MPDZ: variants seen among roughly 807,000 people sequenced by gnomAD.
MPDZ encodes the protein multiple PDZ domain protein.
Under a neutral mutation model 239.1 loss-of-function variants are expected in MPDZ, and 234 were observed. That is an observed-to-expected ratio of 0.98 (90% confidence interval 0.88 to 1.09). MPDZ has a LOEUF of 1.09. Among genes scored for constraint, MPDZ ranks in the 50% least tolerant of loss-of-function variants. MPDZ has a pLI of 0.00. For missense variants in MPDZ, 3,175 were observed against 2,510.0 expected (o/e 1.26, Z -5.66); for synonymous variants, 1,048 against 881.3 (o/e 1.19, Z -3.35).
rs908891606 is a variant in MPDZ, at chr9:13,115,249, T to G, written c.5465A>C (p.Gln1822Pro). 1.9e-6 allele frequency: 3 copies of G among 1,612,022 alleles called. No homozygotes were observed. In the African/African-American group the frequency reaches 4.0e-5, roughly 21 times the overall value. ...CTGATGAACTCCACAGCTACCCACC[T>G]GGCTGCTTTGAGATGGCCTCCTCTC... ...HSERRPSQSS[Q>P]VSEGSLSSFT... Residue 1822 changes from glutamine (Q) to proline (P), a missense_variant and splice_region_variant, in exon 40 of 47, where the codon CAG (glutamine) becomes CCG (proline). By Grantham distance (76) the Gln-to-Pro change is moderately conservative (BLOSUM62 -1). Transcript: ENST00000319217.
Position 13,231,786 on chromosome 9 carries a change from G to C in MPDZ, c.184-7203C>G, listed in dbSNP as rs922810208. On this transcript the variant is annotated intron_variant, in intron 3 of 46. Coordinates refer to ENST00000319217, the MANE Select transcript of MPDZ (RefSeq NM_001378778.1). ...TAACCTCAATTGCCAACTCTAACAAGGATTATACTAGACAGAAAAGCTATA... is the reference window on the plus strand; with the variant it reads ...TAACCTCAATTGCCAACTCTAACAACGATTATACTAGACAGAAAAGCTATA... 2.6e-4 allele frequency among the ~76,000 whole-genome samples: 39 copies of C among 150,926 alleles called. 1 individual carries two copies. Among genetic ancestry groups the C allele is most frequent in the African/African-American group, 9.3e-4 (38 of 41,052 alleles).
chr9:13,106,847 C>T lies in MPDZ; in HGVS notation c.*118G>A, dbSNP rs995155585. 32 of 1,079,926 alleles carry T rather than the reference C, an allele frequency of 3.0e-5. No homozygotes were observed. In the African/African-American group the frequency reaches 3.1e-4, roughly 11 times the overall value. The allele number at this position is 1,079,926 out of a possible 1,614,324, so 66.9% of individuals were successfully genotyped here. On this transcript the variant is annotated 3_prime_UTR_variant, in exon 47 of 47. Transcript: ENST00000319217. The stretch of plus-strand genomic sequence containing the variant: ...AGAAAAAGAAACTTAAGTGTTATTT[C>T]CCCCCTACAGTTTTGAAGACCCGGC...
At chr9:13,171,375 C>A (rs1427322487) in intron 21 of MPDZ, among the ~76,000 whole-genome samples, 1 of 152,108 alleles carries the variant, frequency 6.6e-6, no homozygotes, top group African/African-American at 2.4e-5. Context: ...AACTCAAGTA[C>A]TGAATGTATT....
chr9:13,180,239 G>A (rs549333589), intron 19 of MPDZ, among the ~76,000 whole-genome samples: 1 of 152,250 alleles, frequency 6.6e-6, no homozygotes, highest in South Asian at 2.1e-4. Flanking sequence ...GTAATAATTT[G>A]TAAGAATGTT....
chr9:13,232,763 G>GT (rs1417288890), intron 3 of MPDZ, among the ~76,000 whole-genome samples: 1 of 149,782 alleles, frequency 6.7e-6, no homozygotes, highest in Admixed American at 6.7e-5. Flanking sequence ...GGAGAAAATG[G>GT]TTACAATACA....
intron 34 of MPDZ, among the ~76,000 whole-genome samples, chr9:13,125,774 T>C (rs576413009): frequency 6.6e-6 from 1 of 152,284 alleles, no homozygotes; most frequent in East Asian, 1.9e-4. Flanking sequence ...CAAACAGTTT[T>C]AATAAAATAG....
intron 39 of MPDZ, among the ~76,000 whole-genome samples, chr9:13,115,949 T>TC (rs1943366701): frequency 2.2e-5 from 1 of 46,072 alleles, no homozygotes; most frequent in South Asian, 7.1e-4. Context: ...AGACTCCACC[T>TC]CAAAAAAAAA....
intron 22 of MPDZ, among the ~76,000 whole-genome samples, chr9:13,166,723 T>G (rs1385857486): frequency 1.3e-5 from 2 of 152,080 alleles, no homozygotes; most frequent in African/African-American, 4.8e-5. Context: ...TTCATAGTCA[T>G]AATAAAGCTT....
rs760456120 is a variant in MPDZ at position 13,112,930 on chromosome 9, G to A, written c.5601+81C>T. 2.2e-5 allele frequency: 29 copies of A among 1,314,166 alleles called. 2 individuals carry two copies. The highest frequency in any genetic ancestry group is 1.1e-4 in the South Asian group (8 of 75,918). 81.4% of individuals were successfully genotyped at this position (1,314,166 alleles called of 1,614,324 possible). The stretch of plus-strand genomic sequence containing the variant: ...TTTTTGAGATGAATACTTTAAAACC[G>A]TAAGAAAGTTAACAAGAAAACACAT... On this transcript the variant is annotated intron_variant, in intron 42 of 46. Coordinates refer to ENST00000319217, the MANE Select transcript of MPDZ (RefSeq NM_001378778.1).
intron 1 of MPDZ, among the ~76,000 whole-genome samples, chr9:13,267,726 A>G (rs1410515338): frequency 6.6e-6 from 1 of 152,206 alleles, no homozygotes; most frequent in Non-Finnish European, 1.5e-5. Context: ...AAGAAGAAAT[A>G]ATTGAGGAAG....
intron 43 of MPDZ, among the ~76,000 whole-genome samples, chr9:13,111,045 T>G (rs1942374926): frequency 1.3e-5 from 2 of 152,190 alleles, no homozygotes; most frequent in African/African-American, 2.4e-5. Context: ...AAAAAAAAAT[T>G]CACTATCATT....
At chr9:13,173,273 T>C (rs1952020757) in intron 21 of MPDZ, among the ~76,000 whole-genome samples, 1 of 152,210 alleles carries the variant, frequency 6.6e-6, no homozygotes, top group African/African-American at 2.4e-5. Context: ...ATGGTCAATT[T>C]TATGCTGTGT....
chr9:13,180,005 T>C (rs2134345905), intron 19 of MPDZ, among the ~76,000 whole-genome samples: 1 of 152,252 alleles, frequency 6.6e-6, no homozygotes, highest in Non-Finnish European at 1.5e-5. Context: ...GTACACTTCC[T>C]TTATTGTTTT....
At position 13,250,386 on chromosome 9, in the gene MPDZ, A is replaced by G; in HGVS notation, c.-57-14T>C. 1 of 1,333,288 alleles carries G rather than the reference A, an allele frequency of 7.5e-7. No homozygotes were observed. The highest frequency in any genetic ancestry group is 1.1e-6 in the Non-Finnish European group (1 of 951,530). 82.6% of individuals were successfully genotyped at this position (1,333,288 alleles called of 1,614,324 possible). ...TAAAATGGAACTCTGTGCAAAAAAG[A>G]AATAGAATGGTTATGTTTTATCAGA... On this transcript the variant is annotated splice_polypyrimidine_tract_variant and intron_variant, in intron 1 of 46. Coordinates refer to ENST00000319217, the MANE Select transcript of MPDZ (RefSeq NM_001378778.1).
Position 13,254,676 on chromosome 9 carries a change from C to G in MPDZ, c.-57-4304G>C, listed in dbSNP as rs141672810. Among the ~76,000 whole-genome samples, 1,103 of 152,268 alleles carry G rather than the reference C, an allele frequency of 7.2e-3. 10 individuals are homozygous for G. Among genetic ancestry groups the G allele is most frequent in the African/African-American group, 0.024 (1,006 of 41,562 alleles). On this transcript the variant is annotated intron_variant, in intron 1 of 46. Transcript: ENST00000319217. ...ACAAAAGGGGTCACATGAATTTTTTCATTTCTCAGTGCGTACAAAAGTCAT... is the reference window on the plus strand; with the variant it reads ...ACAAAAGGGGTCACATGAATTTTTTGATTTCTCAGTGCGTACAAAAGTCAT...
intron 23 of MPDZ, among the ~76,000 whole-genome samples, chr9:13,161,277 T>C (rs1351497599): frequency 3.3e-5 from 5 of 151,972 alleles, no homozygotes; most frequent in Non-Finnish European, 7.4e-5. Flanking sequence ...CTCTAAAGAA[T>C]GGTACAACTC....
intron 27 of MPDZ, among the ~76,000 whole-genome samples, chr9:13,141,514 T>C (rs144451274): frequency 2.3e-3 from 351 of 152,284 alleles, no homozygotes; most frequent in Admixed American, 4.3e-3. Flanking sequence ...TTTTCCTATA[T>C]ATCTTTATTT....
At chr9:13,166,225 G>A (rs1951061877) in intron 22 of MPDZ, among the ~76,000 whole-genome samples, 2 of 152,084 alleles carry the variant, frequency 1.3e-5, no homozygotes, top group Admixed American at 1.3e-4. Context: ...GTAATGGAAG[G>A]ACTAAAAGTT....
intron 31 of MPDZ, chr9:13,134,118 A>G: frequency 4.7e-6 from 1 of 211,972 alleles, no homozygotes; most frequent in Middle Eastern, 1.8e-3. Context: ...TGAACATTAC[A>G]TTCTCTTCAA....
Sources: gnomAD v4.1 joint callset for allele counts (sites outside exome capture counted in the v4.1 genomes callset) on GRCh38, gnomAD v4.1.1 for gene constraint, MANE v1.5 for transcripts, NCBI Gene and HGNC (gene_info 2026-07-23, HGNC 2026-07-21) for gene names.